Variants in SIPA1L3 observed in about 807,000 individuals in gnomAD.
The protein encoded by SIPA1L3 is signal-induced proliferation-associated 1-like protein 3.
A neutral mutation model predicts 150.1 loss-of-function variants in SIPA1L3; 59 were observed. That is an observed-to-expected ratio of 0.39 (90% CI 0.32 to 0.49). SIPA1L3 has a LOEUF of 0.49. Ranked by LOEUF, SIPA1L3 falls within the 20% of genes least tolerant of loss-of-function variation. The probability of loss-of-function intolerance (pLI) is 0.86; values close to 1 mark genes in which losing one functional copy is unlikely to be tolerated. For missense variants in SIPA1L3, 2,211 were observed against 2,489.5 expected (o/e 0.89, Z 2.38); for synonymous variants, 1,070 against 1,077.6 (o/e 0.99, Z 0.14).
intron 2 of SIPA1L3, among the ~76,000 whole-genome samples, chr19:38,078,303 C>A (rs1969893431): frequency 6.6e-6 from 1 of 152,318 alleles, no homozygotes; most frequent in African/African-American, 2.4e-5. Flanking sequence ...TTCTGGTGCT[C>A]ACTTTTTCAG....
chr19:37,945,390 C>T (rs1238045604), intron 1 of SIPA1L3, among the ~76,000 whole-genome samples: 1 of 152,104 alleles, frequency 6.6e-6, no homozygotes, highest in African/African-American at 2.4e-5. Context: ...TGTACCACCA[C>T]ACCTGGCTGA....
chr19:37,927,993 A>G (rs1356137351), intron 1 of SIPA1L3, among the ~76,000 whole-genome samples: 1 of 152,146 alleles, frequency 6.6e-6, no homozygotes, highest in Admixed American at 6.5e-5. Context: ...GTTGATTCAC[A>G]TGCTATCGTG....
intron 1 of SIPA1L3, among the ~76,000 whole-genome samples, chr19:37,977,610 G>A (rs1053250603): frequency 6.6e-6 from 1 of 151,966 alleles, no homozygotes; most frequent in Non-Finnish European, 1.5e-5. Context: ...TAGGAGGAAC[G>A]AGGGAGAAAC....
At chr19:38,134,705 A>AG (rs1182497913) in intron 10 of SIPA1L3, among the ~76,000 whole-genome samples, 19 of 53,970 alleles carry the variant, frequency 3.5e-4, no homozygotes, top group South Asian at 1.5e-3. Context: ...ACTCTGTTTC[A>AG]GGAAAAAAAA....
intron 1 of SIPA1L3, among the ~76,000 whole-genome samples, chr19:38,014,666 C>T (rs961377040): frequency 1.1e-4 from 10 of 93,866 alleles, no homozygotes; most frequent in African/African-American, 1.8e-4. Context: ...GATCCTCCCC[C>T]GGCTAATTTT....
intron 18 of SIPA1L3, among the ~76,000 whole-genome samples, chr19:38,197,982 C>T (rs896495014): frequency 2.6e-5 from 4 of 152,162 alleles, no homozygotes; most frequent in South Asian, 2.1e-4. Context: ...CCACACGGTC[C>T]GGCCGTGTTG....
chr19:38,180,623 G>A (rs1475051528), intron 15 of SIPA1L3, among the ~76,000 whole-genome samples: 13 of 148,022 alleles, frequency 8.8e-5, no homozygotes, highest in African/African-American at 2.8e-4. Flanking sequence ...GGCTCACCGC[G>A]ACCTCCGCCT....
chr19:38,045,709 C>T (rs1374569096), intron 2 of SIPA1L3, among the ~76,000 whole-genome samples: 16 of 151,888 alleles, frequency 1.1e-4, no homozygotes, highest in Admixed American at 1.0e-3. Context: ...CTGTGAAGCT[C>T]GACGGGGAGG....
In SIPA1L3 at chr19:38,167,231, CA is replaced by C. The variant is rs370193698; in HGVS notation, c.4208+2342del. 4.0e-3 allele frequency among the ~76,000 whole-genome samples: 346 copies of C among 87,506 alleles called. 2 individuals carry two copies. The highest frequency in any genetic ancestry group is 0.028 in the East Asian group (69 of 2,492). The allele number at this position is 87,506 out of a possible 152,430, so 57.4% of individuals were successfully genotyped here. A position where few individuals can be genotyped will look rare whatever the true frequency, so the allele number is the denominator to read the frequency against. On this transcript the variant is annotated intron_variant, in intron 15 of 21. Transcript: ENST00000222345. ...CTGGCAACAGAGCGAGATTCCATCTCAAAAAAAAAAAAAAAAAGGTGAAGCA... is the reference window on the plus strand; with the variant it reads ...CTGGCAACAGAGCGAGATTCCATCTCAAAAAAAAAAAAAAAAGGTGAAGCA...
intron 1 of SIPA1L3, among the ~76,000 whole-genome samples, chr19:37,927,797 T>C (rs2046519817): frequency 6.6e-6 from 1 of 152,064 alleles, no homozygotes; most frequent in African/African-American, 2.4e-5. Context: ...ACATTGGATA[T>C]TTGGTTTTCT....
rs990042594 is a variant in SIPA1L3 at position 38,182,469 on chromosome 19, A to G, written c.4209-50A>G. ...AAACTTCAATAGCTCTGTCTTGCCA[A>G]ATGTGGAATGGATTTGGTTTTTTTT... On this transcript the variant is annotated intron_variant, in intron 15 of 21. Transcript: ENST00000222345. The G allele has an allele frequency of 7.9e-6, 11 of 1,400,578 alleles. No individual in the cohort carries two copies. The African/African-American group carries it at 1.2e-4, about 15-fold the overall frequency. The allele number at this position is 1,400,578 out of a possible 1,614,324, so 86.8% of individuals were successfully genotyped here.
At chr19:37,951,316 C>CAAACATG (rs2046761865) in intron 1 of SIPA1L3, among the ~76,000 whole-genome samples, 1 of 152,196 alleles carries the variant, frequency 6.6e-6, no homozygotes, top group South Asian at 2.1e-4. Context: ...GTTGGCTGAA[C>CAAACATG]AAACATGAAA....
rs534706671 is a variant in SIPA1L3 at position 38,081,969 on chromosome 19, C to T, written c.404C>T (p.Ser135Phe). 1 of 1,614,180 alleles carries T rather than the reference C, an allele frequency of 6.2e-7. No individual in the cohort carries two copies. The highest frequency in any genetic ancestry group is 1.3e-5 in the African/African-American group (1 of 75,058). ...PPTSTPASSG[S>F]KAFHRLSRRR... is the part of the protein sequence containing the mutation. ...ACCAGCACCCCGGCTTCCTCAGGGT[C>T]CAAAGCCTTCCACCGACTCTCCAGG... The change falls in exon 3 of 22, where the codon TCC becomes TTC. Residue 135 changes from serine (S) to phenylalanine (F), a missense_variant. Ser to Phe is a radical substitution (Grantham distance 155). Around this residue, in one of 5 missense-constraint regions of SIPA1L3, gnomAD observed 587 missense variants for 534.5 expected, o/e 1.10. Coordinates refer to ENST00000222345, the MANE Select transcript of SIPA1L3 (RefSeq NM_015073.3).
chr19:38,142,326 C>T lies in SIPA1L3; in HGVS notation c.3396-247C>T, dbSNP rs568535978. On this transcript the variant is annotated intron_variant, in intron 11 of 21. Transcript: ENST00000222345. ...AGCAGCCTGCAGAAGCTGTGAGTTG[C>T]GGGCAGCCGCAGTGGATCCGGGAAG... Among the ~76,000 whole-genome samples the T allele has an allele frequency of 9.3e-4, 141 of 152,296 alleles. 1 individual carries two copies. The highest frequency in any genetic ancestry group is 3.2e-3 in the African/African-American group (132 of 41,568).
At chr19:37,959,329 A>G (rs1410479355) in intron 1 of SIPA1L3, among the ~76,000 whole-genome samples, 2 of 152,224 alleles carry the variant, frequency 1.3e-5, no homozygotes, top group Admixed American at 1.3e-4. Flanking sequence ...ACAATGGTAT[A>G]TTACTCTGTC....
At chr19:38,044,744 C>T (rs915372914) in intron 2 of SIPA1L3, among the ~76,000 whole-genome samples, 1 of 152,030 alleles carries the variant, frequency 6.6e-6, no homozygotes, top group African/African-American at 2.4e-5. Flanking sequence ...AATTGGGGGT[C>T]GTCACTGTGG....
intron 9 of SIPA1L3, among the ~76,000 whole-genome samples, chr19:38,125,530 C>T (rs1459052010): frequency 6.6e-6 from 1 of 152,134 alleles, no homozygotes; most frequent in Non-Finnish European, 1.5e-5. Flanking sequence ...TTTCCACAGC[C>T]ATACCCCCAC....
chr19:37,935,037 C>G (rs1348632831), intron 1 of SIPA1L3, among the ~76,000 whole-genome samples: 1 of 152,068 alleles, frequency 6.6e-6, no homozygotes, highest in Non-Finnish European at 1.5e-5. Context: ...AGATGTCCAA[C>G]CTGTTTGGCC....
At chr19:38,010,149 T>G (rs1968062042) in intron 1 of SIPA1L3, among the ~76,000 whole-genome samples, 1 of 152,124 alleles carries the variant, frequency 6.6e-6, no homozygotes, top group African/African-American at 2.4e-5. Flanking sequence ...GCCTGTGATC[T>G]CAGCACTTGA....
Sources: gnomAD v4.1 joint callset for allele counts (sites outside exome capture counted in the v4.1 genomes callset) on GRCh38, gnomAD v4.1.1 for gene constraint, gnomAD v4.1.1 regional missense constraint, MANE v1.5 for transcripts, NCBI Gene and HGNC (gene_info 2026-07-23, HGNC 2026-07-21) for gene names.